SCG5: variants seen among roughly 807,000 people sequenced by gnomAD.
The protein encoded by SCG5 is secretogranin V, also known as neuroendocrine protein 7B2.
In SCG5, 18 loss-of-function variants were observed where a neutral mutation model predicts 25.7. The observed-to-expected ratio is 0.70, with a 90% CI of 0.48 to 1.04. The LOEUF (loss-of-function observed/expected upper bound fraction) is 1.04, where lower values mean the gene tolerates loss of function less well. Among genes scored for constraint, SCG5 ranks in the 50% least tolerant of loss-of-function variants. The probability of loss-of-function intolerance (pLI) is 0.00; values close to 1 mark genes in which losing one functional copy is unlikely to be tolerated. For missense variants in SCG5, 206 were observed against 259.8 expected (o/e 0.79, Z 1.42); for synonymous variants, 101 against 91.7 (o/e 1.10, Z -0.58).
At chr15:32,657,525 G>A (rs2054145038) in intron 2 of SCG5, among the ~76,000 whole-genome samples, 1 of 151,932 alleles carries the variant, frequency 6.6e-6, no homozygotes, top group African/African-American at 2.4e-5. Flanking sequence ...CCATGAAATA[G>A]GTTATAGAAG....
intron 5 of SCG5, among the ~76,000 whole-genome samples, chr15:32,695,920 T>G (rs529564176): frequency 1.2e-4 from 19 of 152,256 alleles, no homozygotes; most frequent in African/African-American, 4.6e-4. Context: ...ATAATAATTT[T>G]TAAAAAGACC....
At chr15:32,651,224 G>A (rs781123108) in intron 2 of SCG5, among the ~76,000 whole-genome samples, 1 of 152,088 alleles carries the variant, frequency 6.6e-6, no homozygotes, top group Non-Finnish European at 1.5e-5. Context: ...AATAAAATAC[G>A]TTCTTTTTTA....
chr15:32,657,376 G>T (rs1434459033), intron 2 of SCG5, among the ~76,000 whole-genome samples: 1 of 150,220 alleles, frequency 6.7e-6, no homozygotes, highest in Non-Finnish European at 1.5e-5. Context: ...CTCTGTATTG[G>T]TGTTGACCTT....
chr15:32,644,722 G>A (rs1327521815), intron 2 of SCG5, among the ~76,000 whole-genome samples: 1 of 152,162 alleles, frequency 6.6e-6, no homozygotes, highest in Non-Finnish European at 1.5e-5. Context: ...AAATGCAAGG[G>A]AGCATTTCCT....
chr15:32,655,678 A>G (rs7171657), intron 2 of SCG5, among the ~76,000 whole-genome samples: 149,072 of 152,296 alleles, frequency 0.98, 72,958 homozygotes, highest in East Asian at 1. Flanking sequence ...GACCTTGAGG[A>G]CTTCACCCTT....
In SCG5 at chr15:32,677,095, T is replaced by C. The variant is rs144272538; in HGVS notation, c.227-2671T>C. ...ACATGGAAATTTTACAAAAATAATA[T>C]GGTAGTTTACAAAAGAAATAGCATT... On this transcript the variant is annotated intron_variant, in intron 2 of 5. Transcript: ENST00000300175. Among the ~76,000 whole-genome samples, 195 of 152,302 alleles carry C rather than the reference T, an allele frequency of 1.3e-3. No homozygotes were observed. The South Asian group carries it at 0.016, about 12-fold the overall frequency.
rs1356549472 is a variant in SCG5, at chr15:32,691,564, C to A, written c.490-146C>A. ...TTACTCTTGTGGTCTATCTTTCTGA[C>A]ACGACATTCCTTTCATCTAGTTTTG... On this transcript the variant is annotated intron_variant, in intron 4 of 5. Transcript: ENST00000300175. 7.3e-6 allele frequency: 5 copies of A among 689,084 alleles called. No individual in the cohort carries two copies. In the South Asian group the frequency reaches 9.4e-5, roughly 13 times the overall value. The allele number at this position is 689,084 out of a possible 1,614,324, so 42.7% of individuals were successfully genotyped here.
At chr15:32,688,579 T>G (rs1332560079) in intron 4 of SCG5, among the ~76,000 whole-genome samples, 2 of 152,166 alleles carry the variant, frequency 1.3e-5, no homozygotes, top group African/African-American at 4.8e-5. Flanking sequence ...AGCAAGCACA[T>G]GATGTCAGGG....
chr15:32,696,416 C>T (rs1024487126), intron 5 of SCG5, 98 bp from the exon 6 acceptor site: 20 of 887,568 alleles, frequency 2.3e-5, no homozygotes, highest in Non-Finnish European at 3.2e-5. Context: ...CGCGCCCGGC[C>T]CCAGAAACGA....
intron 2 of SCG5, among the ~76,000 whole-genome samples, chr15:32,652,406 T>C (rs1321645326): frequency 6.6e-6 from 1 of 152,194 alleles, no homozygotes; most frequent in Non-Finnish European, 1.5e-5. Context: ...GATTTAGAGC[T>C]GAGGACGGTT....
At chr15:32,656,493 G>A (rs2054119943) in intron 2 of SCG5, among the ~76,000 whole-genome samples, 2 of 152,144 alleles carry the variant, frequency 1.3e-5, no homozygotes. Context: ...GTTTATCATT[G>A]CCCACAATCA....
At chr15:32,696,317 CCG>C in intron 5 of SCG5, among the ~76,000 whole-genome samples, 195 bp from the exon 6 acceptor site, 1 of 152,240 alleles carries the variant, frequency 6.6e-6, no homozygotes, top group East Asian at 1.9e-4. Context: ...CGGGGTTTCA[CCG>C]TGTTAGCCAG....
At chr15:32,663,210 A>G (rs1035129096) in intron 2 of SCG5, among the ~76,000 whole-genome samples, 1 of 151,460 alleles carries the variant, frequency 6.6e-6, no homozygotes, top group African/African-American at 2.4e-5. Flanking sequence ...TATACAATGT[A>G]ATGGTTTTTG....
intron 2 of SCG5, among the ~76,000 whole-genome samples, chr15:32,672,280 A>G (rs1369670836): frequency 1.3e-5 from 2 of 152,334 alleles, no homozygotes; most frequent in East Asian, 3.9e-4. Context: ...CTGCCCCACC[A>G]CAATTCTTTA....
chr15:32,681,880 G>A (rs796157624), intron 3 of SCG5, among the ~76,000 whole-genome samples: 7 of 152,070 alleles, frequency 4.6e-5, no homozygotes, highest in East Asian at 1.9e-4. Flanking sequence ...TCTGTTTTCC[G>A]TGGGGCACAA....
intron 2 of SCG5, among the ~76,000 whole-genome samples, chr15:32,646,094 C>T (rs1403936841): frequency 2.0e-5 from 3 of 150,042 alleles, no homozygotes; most frequent in Non-Finnish European, 4.5e-5. Context: ...GGATCACAGG[C>T]GTGAGCCACC....
intron 2 of SCG5, among the ~76,000 whole-genome samples, chr15:32,645,138 A>G (rs1000854466): frequency 6.6e-6 from 1 of 152,218 alleles, no homozygotes; most frequent in Non-Finnish European, 1.5e-5. Flanking sequence ...CCTTCTCAGC[A>G]TCTGTCACCG....
rs2054598620 is a variant in SCG5, at chr15:32,680,384, G to C, written c.376+469G>C. ...CTAATTTTTTTTTGTATTTTTAGTA[G>C]AGACGGGGATTCAGCGTGTTAGCCA... On this transcript the variant is annotated intron_variant, in intron 3 of 5. Transcript: ENST00000300175. 4.6e-5 allele frequency among the ~76,000 whole-genome samples: 7 copies of C among 151,892 alleles called. No homozygotes were observed. In the South Asian group the frequency reaches 1.5e-3, roughly 32 times the overall value.
At chr15:32,688,828 G>A (rs1423942712) in intron 4 of SCG5, among the ~76,000 whole-genome samples, 2 of 151,986 alleles carry the variant, frequency 1.3e-5, no homozygotes, top group African/African-American at 2.4e-5. Context: ...GCGCGGTGGC[G>A]GGTGCCTGTA....
Sources: gnomAD v4.1 joint callset for allele counts (sites outside exome capture counted in the v4.1 genomes callset) on GRCh38, gnomAD v4.1.1 for gene constraint, MANE v1.5 for transcripts, NCBI Gene and HGNC (gene_info 2026-07-23, HGNC 2026-07-21) for gene names.